The following CLSPN variants were observed in gnomAD, a reference collection of about 807,000 sequenced individuals.
CLSPN encodes the protein claspin homolog.
In CLSPN, 85 loss-of-function variants were observed where a neutral mutation model predicts 156.3. The observed-to-expected ratio is 0.54, with a 90% CI of 0.46 to 0.65. CLSPN has a LOEUF of 0.65. Ranked by LOEUF, CLSPN falls within the 30% of genes least tolerant of loss-of-function variation. The probability of loss-of-function intolerance (pLI) is 0.00; values close to 1 mark genes in which losing one functional copy is unlikely to be tolerated. For synonymous variants in CLSPN, 534 were observed against 542.4 expected, an observed-to-expected ratio of 0.98 and a Z score of 0.22; for missense variants, 1,407 against 1,554.9, an observed-to-expected ratio of 0.90 and a Z score of 1.60.
chr1:35,736,268 G>A lies in CLSPN; in HGVS notation c.*228C>T. Reference sequence around the variant, plus strand: ...TCACCCAAGTATTCCATGAGTTGTTGATGTTGTAAATACTGCAGAATTGAA... The same window carrying A: ...TCACCCAAGTATTCCATGAGTTGTTAATGTTGTAAATACTGCAGAATTGAA... On this transcript the variant is annotated 3_prime_UTR_variant, in exon 25 of 25. Transcript: ENST00000318121. The A allele has an allele frequency of 1.8e-6, 2 of 1,138,796 alleles. No homozygotes were observed. The highest frequency in any genetic ancestry group is 2.2e-6 in the Non-Finnish European group (2 of 928,666). 70.5% of individuals were successfully genotyped at this position (1,138,796 alleles called of 1,614,324 possible). A position where few individuals can be genotyped will look rare whatever the true frequency, so the allele number is the denominator to read the frequency against.
chr1:35,735,034 G>C lies in CLSPN; in HGVS notation c.*1462C>G. The C allele has an allele frequency of 1.3e-5, 13 of 985,406 alleles. No individual in the cohort carries two copies. Among genetic ancestry groups the C allele is most frequent in the Non-Finnish European group, 1.6e-5 (13 of 829,918 alleles). 61.0% of individuals were successfully genotyped at this position (985,406 alleles called of 1,614,324 possible). ...CTCTCAAAATTAGTAATGAAATGCTGAAATGTCCATTGATTAGTGAGGGCA... is the reference window on the plus strand; with the variant it reads ...CTCTCAAAATTAGTAATGAAATGCTCAAATGTCCATTGATTAGTGAGGGCA... On this transcript the variant is annotated 3_prime_UTR_variant, in exon 25 of 25. Transcript: ENST00000318121.
chr1:35,733,630 G>C lies in CLSPN; in HGVS notation c.*2866C>G. ...AGAAAGAGGCAAAAACATGTATCTT[G>C]AACCCATGGATAAAATGAAGTACAT... On this transcript the variant is annotated 3_prime_UTR_variant, in exon 25 of 25. Transcript: ENST00000318121. 1.1e-5 allele frequency: 11 copies of C among 985,364 alleles called. No homozygotes were observed. The highest frequency in any genetic ancestry group is 1.3e-5 in the Non-Finnish European group (11 of 829,912). The allele number at this position is 985,364 out of a possible 1,614,324, so 61.0% of individuals were successfully genotyped here. A position where few individuals can be genotyped will look rare whatever the true frequency, so the allele number is the denominator to read the frequency against.
intron 8 of CLSPN, among the ~76,000 whole-genome samples, chr1:35,754,208 C>T (rs1642196891): frequency 6.6e-6 from 1 of 152,108 alleles, no homozygotes; most frequent in Non-Finnish European, 1.5e-5. Flanking sequence ...TAAATATGTG[C>T]AATTCTTTTG....
chr1:35,753,165 T>G (rs374196384), intron 9 of CLSPN, among the ~76,000 whole-genome samples: 30 of 152,288 alleles, frequency 2.0e-4, no homozygotes, highest in African/African-American at 7.0e-4. Context: ...CAATCATGAC[T>G]CATTACAACC....
rs138022606 is a variant in CLSPN at position 35,764,468 on chromosome 1, T to C, written c.380A>G (p.Gln127Arg). Residue 127 changes from glutamine to arginine, a missense_variant, in exon 3 of 25, where the codon CAA (glutamine) becomes CGA (arginine). Physicochemically the swap from Gln to Arg is conservative, Grantham distance 43. Coordinates refer to ENST00000318121, the MANE Select transcript of CLSPN (RefSeq NM_022111.4). ...KSLYQENLEA[Q>R]VKPCLELSLQ... The stretch of plus-strand genomic sequence containing the variant: ...ACTCAGCTCTAAGCAAGGTTTCACT[T>C]GCGCTTCAAGATTTTCCTGATACAA... 1 of 1,614,134 alleles carries C rather than the reference T, an allele frequency of 6.2e-7. No individual in the cohort carries two copies. Among genetic ancestry groups the C allele is most frequent in the African/African-American group, 1.3e-5 (1 of 75,062 alleles).
chr1:35,729,050 T>A (rs899483690), downstream of CLSPN, among the ~76,000 whole-genome samples: 1 of 151,926 alleles, frequency 6.6e-6, no homozygotes, highest in Non-Finnish European at 1.5e-5. Context: ...TTTGCCTAGG[T>A]CCATCTGGTT....
At chr1:35,750,757 A>C (rs778755772) in intron 10 of CLSPN, among the ~76,000 whole-genome samples, 1 of 152,076 alleles carries the variant, frequency 6.6e-6, no homozygotes, top group Non-Finnish European at 1.5e-5. Flanking sequence ...GGCAGAAAAC[A>C]GTACTACGGA....
chr1:35,726,540 C>G (rs1418276194), intron 24 of CLSPN, among the ~76,000 whole-genome samples: 1 of 152,188 alleles, frequency 6.6e-6, no homozygotes, highest in Non-Finnish European at 1.5e-5. Context: ...CTCTCGCCCT[C>G]TTGCCTCCAT....
At position 35,736,621 on chromosome 1, in the gene CLSPN, G is replaced by A. The variant is rs771369181; in HGVS notation, c.3910-15C>T. ...CTTTTCTTTACCTAGAGAGCAGAGAGGGAGTCAGGGCCAGCTAAAGACCTT... is the reference window on the plus strand; with the variant it reads ...CTTTTCTTTACCTAGAGAGCAGAGAAGGAGTCAGGGCCAGCTAAAGACCTT... On this transcript the variant is annotated splice_polypyrimidine_tract_variant and intron_variant, in intron 24 of 24. Coordinates refer to ENST00000318121, the MANE Select transcript of CLSPN (RefSeq NM_022111.4). The A allele has an allele frequency of 1.2e-6, 2 of 1,602,468 alleles. No homozygotes were observed. Among genetic ancestry groups the A allele is most frequent in the East Asian group, 2.2e-5 (1 of 44,668 alleles).
In CLSPN at chr1:35,738,007, C is replaced by A; in HGVS notation, c.3649G>T (p.Ala1217Ser). ...AAGAGCTCACCATTCTTCTGCAGTG[C>A]TTTGGCTGTAACTTTCTTGGCCAGT... The part of the protein sequence containing the change: ...MILAKKVTAK[A>S]LQKNASRPMV... Residue 1217 changes from alanine (A) to serine (S), a missense_variant, in exon 22 of 25, where the codon GCA (alanine) becomes TCA (serine). By Grantham distance (99) the Ala-to-Ser change is moderately conservative. Coordinates refer to ENST00000318121, the MANE Select transcript of CLSPN (RefSeq NM_022111.4). 1 of 1,485,356 alleles carries A rather than the reference C, an allele frequency of 6.7e-7. No homozygotes were observed. The highest frequency in any genetic ancestry group is 9.0e-7 in the Non-Finnish European group (1 of 1,107,012). 92.0% of individuals were successfully genotyped at this position (1,485,356 alleles called of 1,614,324 possible).
At chr1:35,736,705 C>T in intron 24 of CLSPN, 99 bp from the exon 25 acceptor site, 1 of 1,467,984 alleles carries the variant, frequency 6.8e-7, no homozygotes, top group South Asian at 1.5e-5. Flanking sequence ...GGATGATTAA[C>T]AACAGAAAAA....
At position 35,736,507 on chromosome 1, in the gene CLSPN, A is replaced by T. The variant is rs1179919399; in HGVS notation, c.4009T>A (p.Leu1337Met). The T allele has an allele frequency of 5.6e-6, 9 of 1,602,040 alleles. No individual in the cohort carries two copies. Among genetic ancestry groups the T allele is most frequent in the Non-Finnish European group, 7.7e-6 (9 of 1,175,006 alleles). The change falls in exon 25 of 25, where the codon TTG (leucine) becomes ATG (methionine). Residue 1337 changes from leucine (L) to methionine (M), a missense_variant. By Grantham distance (15) the Leu-to-Met change is conservative. Coordinates refer to ENST00000318121, the MANE Select transcript of CLSPN (RefSeq NM_022111.4). ...SGLTRSIFKY[L>M]ES ...CACCTTTGATGGTGTTAGCTCTCCA[A>T]ATATTTGAAGATGCTTCGCGTCAAT...
At position 35,746,661 on chromosome 1, in the gene CLSPN, G is replaced by C; in HGVS notation, c.2854+105C>G. 1 of 740,758 alleles carries C rather than the reference G, an allele frequency of 1.3e-6. No individual in the cohort carries two copies. Among genetic ancestry groups the C allele is most frequent in the Non-Finnish European group, 2.3e-6 (1 of 432,392 alleles). 45.9% of individuals were successfully genotyped at this position (740,758 alleles called of 1,614,324 possible). The stretch of plus-strand genomic sequence containing the variant: ...GATCCATCCAACTTAGCCTCCCAAA[G>C]TTCTAGGATTACAGGCATGAGCCAC... On this transcript the variant is annotated intron_variant, in intron 15 of 24. Transcript: ENST00000318121. The surrounding 1 kb of genome is among the most constrained non-coding windows in gnomAD (Gnocchi z 4.2).
chr1:35,727,436 A>C (rs1321829051), downstream of CLSPN, among the ~76,000 whole-genome samples: 1 of 152,068 alleles, frequency 6.6e-6, no homozygotes, highest in Non-Finnish European at 1.5e-5. Flanking sequence ...CTCTGAGGCA[A>C]TTCCCACCCT....
chr1:35,723,373 C>G (rs541395805), intron 24 of CLSPN, among the ~76,000 whole-genome samples: 27 of 152,298 alleles, frequency 1.8e-4, no homozygotes, highest in Admixed American at 2.6e-4. Flanking sequence ...CCAAGAGAGG[C>G]TAGCAGTGAG....
chr1:35,748,770 C>A, intron 12 of CLSPN, 166 bp from the exon 13 acceptor site: 1 of 594,998 alleles, frequency 1.7e-6, no homozygotes, highest in Non-Finnish European at 3.1e-6. Flanking sequence ...ACTAAGATAG[C>A]ATTATATAAT....
intron 1 of CLSPN, among the ~76,000 whole-genome samples, chr1:35,765,678 ATAGAAT>A (rs1642647974): frequency 6.6e-6 from 1 of 152,224 alleles, no homozygotes; most frequent in Non-Finnish European, 1.5e-5. Context: ...TTAATAAATG[ATAGAAT>A]TAGATTATCA....
At chr1:35,762,222 A>G (rs532588597) in intron 5 of CLSPN, 152 bp from the exon 6 acceptor site, 145 of 804,274 alleles carry the variant, frequency 1.8e-4, no homozygotes, top group Middle Eastern at 9.7e-4. Flanking sequence ...CAAGGAATTC[A>G]TTTATTCCCA....
In CLSPN at chr1:35,738,582, T is replaced by C. The variant is rs748163144; in HGVS notation, c.3431A>G (p.Asp1144Gly). The C allele has an allele frequency of 1.9e-6, 3 of 1,613,740 alleles. No individual in the cohort carries two copies. The highest frequency in any genetic ancestry group is 2.2e-5 in the East Asian group (1 of 44,882). Residue 1144 changes from aspartate to glycine, a missense_variant and splice_region_variant, in exon 21 of 25, where the codon GAT becomes GGT. By Grantham distance (94) the Asp-to-Gly change is moderately conservative. Around this residue, in one of 3 missense-constraint regions of CLSPN, gnomAD observed 241 missense variants for 240.5 expected, o/e 1.00. Transcript: ENST00000318121. The part of the protein sequence containing the change: ...RMRKFRWKNI[D>G]DASQMDLFHR... The stretch of plus-strand genomic sequence containing the variant: ...GAACAAGTCCATCTGGGAAGCATCA[T>C]CTAAACAAAGAGTGAAGGTAATCAG...
Sources: allele counts gnomAD v4.1 joint callset (sites outside exome capture counted in the v4.1 genomes callset), GRCh38; gene constraint gnomAD v4.1.1; regional missense constraint gnomAD v4.1.1; non-coding constraint Gnocchi (gnomAD v3.1); transcripts MANE v1.5; gene names NCBI Gene and HGNC (gene_info 2026-07-23, HGNC 2026-07-21).